The following SLC27A6 variants were observed in gnomAD, a reference collection of about 807,000 sequenced individuals.
SLC27A6 encodes the protein solute carrier family 27 member 6.
A neutral mutation model predicts 63.9 loss-of-function variants in SLC27A6; 74 were observed. The observed-to-expected ratio is 1.16, with a 90% CI of 0.96 to 1.40. SLC27A6 has a LOEUF of 1.40. Among genes scored for constraint, SLC27A6 ranks in the 40% most tolerant of loss-of-function variants. SLC27A6 has a pLI of 0.00. For synonymous variants in SLC27A6, 287 were observed against 260.8 expected, an observed-to-expected ratio of 1.10 and a Z score of -0.97; for missense variants, 794 against 732.9, an observed-to-expected ratio of 1.08 and a Z score of -0.96.
intron 4 of SLC27A6, among the ~76,000 whole-genome samples, chr5:128,998,561 C>G (rs987438470): frequency 3.3e-5 from 5 of 151,828 alleles, no homozygotes; most frequent in African/African-American, 1.2e-4. Context: ...CACAAAAAGA[C>G]TAAAAATAAA....
chr5:129,030,741 C>A (rs1469550831), intron 9 of SLC27A6, among the ~76,000 whole-genome samples: 2 of 151,862 alleles, frequency 1.3e-5, no homozygotes, highest in African/African-American at 4.8e-5. Context: ...CTTGTTTCCC[C>A]CAAGGATAAC....
At chr5:129,002,953 C>T (rs1751391461) in intron 4 of SLC27A6, among the ~76,000 whole-genome samples, 1 of 152,170 alleles carries the variant, frequency 6.6e-6, no homozygotes, top group African/African-American at 2.4e-5. Flanking sequence ...TGTTTCTCTA[C>T]TTTGGTTTTT....
intron 5 of SLC27A6, among the ~76,000 whole-genome samples, chr5:129,021,926 A>G (rs1360593694): frequency 6.6e-6 from 1 of 152,212 alleles, no homozygotes; most frequent in East Asian, 1.9e-4. Context: ...AATTAATCTA[A>G]AAGAAATAAC....
chr5:129,010,651 G>A (rs1371638069), intron 4 of SLC27A6, among the ~76,000 whole-genome samples: 1 of 152,142 alleles, frequency 6.6e-6, no homozygotes, highest in Admixed American at 6.5e-5. Flanking sequence ...CCAGCTGATA[G>A]CCAGCAAAGA....
At chr5:128,984,571 A>T (rs1473112116) in intron 1 of SLC27A6, among the ~76,000 whole-genome samples, 1 of 152,182 alleles carries the variant, frequency 6.6e-6, no homozygotes, top group East Asian at 1.9e-4. Context: ...ATTGTACCCA[A>T]TAGGTAATTT....
At chr5:128,988,884 A>C in intron 3 of SLC27A6, 126 bp downstream of exon 3, 1 of 643,886 alleles carries the variant, frequency 1.6e-6, no homozygotes, top group Non-Finnish European at 2.5e-6. Context: ...TTATTATAAC[A>C]CAATATTTAT....
Position 128,985,184 on chromosome 5 carries a change from G to A in SLC27A6, c.533G>A (p.Ser178Asn). Reference protein sequence around the residue: ...EILPSLSENISVWGMKDSVPQ... With the variant: ...EILPSLSENINVWGMKDSVPQ... ...CTTCCAAGCCTCTCAGAAAATATCA[G>A]TGTTTGGGGGATGAAAGATTCTGTT... Residue 178 changes from serine to asparagine, a missense_variant, in exon 2 of 10, where the codon AGT becomes AAT. Coordinates refer to ENST00000262462, the MANE Select transcript of SLC27A6 (RefSeq NM_001017372.3). 6.2e-7 allele frequency: 1 copy of A among 1,614,006 alleles called. No homozygotes were observed. Among genetic ancestry groups the A allele is most frequent in the Non-Finnish European group, 8.5e-7 (1 of 1,179,958 alleles).
rs189426099 is a variant in SLC27A6, at chr5:129,025,587, A to G, written c.1256-1546A>G. On this transcript the variant is annotated intron_variant, in intron 6 of 9. Transcript: ENST00000262462. ...CTTATAGGTTTGTGATGAGAATTAA[A>G]TGGATTACATATGTAAAACACTCAG... Among the ~76,000 whole-genome samples, 5 of 152,276 alleles carry G rather than the reference A, an allele frequency of 3.3e-5. No individual in the cohort carries two copies. The East Asian group carries it at 9.6e-4, about 29-fold the overall frequency.
Position 129,016,019 on chromosome 5 carries a change from A to G in SLC27A6, c.1104A>G (p.Ile368Met). ...TTTATGCAGCTACCGAATCAAGCAT[A>G]TCTTTCATGAACTACACTGGGAGAA... ...CELYAATESS[I>M]SFMNYTGRIG... The change falls in exon 5 of 10, where the codon ATA becomes ATG. Residue 368 changes from isoleucine to methionine, a missense_variant. By Grantham distance (10) the Ile-to-Met change is conservative (BLOSUM62 1). Coordinates refer to ENST00000262462, the MANE Select transcript of SLC27A6 (RefSeq NM_001017372.3). The G allele has an allele frequency of 6.2e-7, 1 of 1,607,188 alleles. No individual in the cohort carries two copies. Among genetic ancestry groups the G allele is most frequent in the Non-Finnish European group, 8.5e-7 (1 of 1,178,312 alleles).
chr5:129,010,285 CA>C (rs932561098), intron 4 of SLC27A6, among the ~76,000 whole-genome samples: 2 of 151,090 alleles, frequency 1.3e-5, no homozygotes, highest in African/African-American at 2.4e-5. Flanking sequence ...TTATGGTAGG[CA>C]AAAAAAATAC....
chr5:129,019,918 C>A (rs751780336), intron 5 of SLC27A6, among the ~76,000 whole-genome samples: 4 of 151,968 alleles, frequency 2.6e-5, no homozygotes, highest in African/African-American at 9.7e-5. Context: ...ATTATTTCTA[C>A]CCTAATAGAG....
intron 4 of SLC27A6, among the ~76,000 whole-genome samples, chr5:129,012,034 A>G (rs894156769): frequency 1.1e-4 from 16 of 151,766 alleles, no homozygotes; most frequent in Non-Finnish European, 1.9e-4. Context: ...AAGTATATGC[A>G]CATACATACG....
At chr5:129,025,630 A>C (rs1023204878) in intron 6 of SLC27A6, among the ~76,000 whole-genome samples, 1 of 152,126 alleles carries the variant, frequency 6.6e-6, no homozygotes, top group Non-Finnish European at 1.5e-5. Context: ...ACTATTATGC[A>C]AAAAGTGCTC....
At chr5:128,998,436 T>C (rs1445094641) in intron 4 of SLC27A6, among the ~76,000 whole-genome samples, 1 of 152,122 alleles carries the variant, frequency 6.6e-6, no homozygotes, top group East Asian at 1.9e-4. Context: ...AACTAATTGG[T>C]CTTTGACTAA....
At chr5:128,979,988 T>C (rs1750528355) in intron 1 of SLC27A6, among the ~76,000 whole-genome samples, 1 of 152,224 alleles carries the variant, frequency 6.6e-6, no homozygotes, top group South Asian at 2.1e-4. Flanking sequence ...TTATGCCCTT[T>C]TGGGTGGGAA....
chr5:129,009,059 G>T lies in SLC27A6; in HGVS notation c.970-6826G>T, dbSNP rs1052383261. ...TTTTTGTATTTTTAGTGGAGGCAGG[G>T]TTTCTCCATATTGGCCAGGCTGGTC... On this transcript the variant is annotated intron_variant, in intron 4 of 9. Transcript: ENST00000262462. 4.6e-5 allele frequency among the ~76,000 whole-genome samples: 7 copies of T among 151,968 alleles called. No homozygotes were observed. The East Asian group carries it at 1.4e-3, about 29-fold the overall frequency.
chr5:128,977,954 A>G (rs1317007033), intron 1 of SLC27A6, among the ~76,000 whole-genome samples: 2 of 152,194 alleles, frequency 1.3e-5, no homozygotes, highest in African/African-American at 4.8e-5. Context: ...GGCAGCAGAT[A>G]ATATTAGCAA....
chr5:129,021,000 G>A (rs909133946), intron 5 of SLC27A6, among the ~76,000 whole-genome samples: 1 of 151,706 alleles, frequency 6.6e-6, no homozygotes, highest in Non-Finnish European at 1.5e-5. Flanking sequence ...ACGCTCATAG[G>A]AGGCTTGATG....
intron 1 of SLC27A6, among the ~76,000 whole-genome samples, chr5:128,969,771 A>G (rs1185158423): frequency 1.3e-5 from 2 of 152,142 alleles, no homozygotes; most frequent in Non-Finnish European, 2.9e-5. Flanking sequence ...CTCCTGCCTG[A>G]TTGCCCTGGC....
Sources: gnomAD v4.1 joint callset for allele counts (sites outside exome capture counted in the v4.1 genomes callset) on GRCh38, gnomAD v4.1.1 for gene constraint, MANE v1.5 for transcripts, NCBI Gene and HGNC (gene_info 2026-07-23, HGNC 2026-07-21) for gene names.